Variants in SUPT16H observed in about 807,000 individuals in gnomAD.
The protein encoded by SUPT16H is SPT16 homolog, facilitates chromatin remodeling subunit.
Under a neutral mutation model 136.2 loss-of-function variants are expected in SUPT16H, and 24 were observed. The ratio of observed to expected loss-of-function variants is 0.18; its 90% CI spans 0.13 to 0.25. The LOEUF is 0.25. SUPT16H is among the 10% of genes least tolerant of loss of function. SUPT16H has a pLI of 1.00. For synonymous variants in SUPT16H, 415 were observed against 428.2 expected (o/e 0.97, Z 0.38); for missense variants, 623 against 1,270.2 (o/e 0.49, Z 7.74).
rs141517668 is a variant in SUPT16H at position 21,371,773 on chromosome 14, T to C, written c.330+101A>G. The stretch of plus-strand genomic sequence containing the variant: ...TTGTAATTACAACCACAGCCACCTA[T>C]AATTTCCCCTGCGCATTCTTTCAAA... On this transcript the variant is annotated intron_variant, in intron 3 of 25. Coordinates refer to ENST00000216297, the MANE Select transcript of SUPT16H (RefSeq NM_007192.4). 1.2e-4 allele frequency: 176 copies of C among 1,408,230 alleles called. 1 individual carries two copies. The East Asian group carries it at 3.4e-3, about 27-fold the overall frequency. The allele number at this position is 1,408,230 out of a possible 1,614,324, so 87.2% of individuals were successfully genotyped here.
At chr14:21,355,732 A>G (rs1280965953) in intron 22 of SUPT16H, among the ~76,000 whole-genome samples, 1 of 152,090 alleles carries the variant, frequency 6.6e-6, no homozygotes, top group African/African-American at 2.4e-5. Flanking sequence ...GGAGGGCTGA[A>G]TCAGTTAAGA....
At chr14:21,379,793 A>C (rs963963375) in intron 1 of SUPT16H, among the ~76,000 whole-genome samples, 3 of 152,176 alleles carry the variant, frequency 2.0e-5, no homozygotes, top group African/African-American at 7.2e-5. Flanking sequence ...CTGAGGTGGG[A>C]AGATCACCTG....
At chr14:21,370,314 C>G in intron 4 of SUPT16H, 22 bp downstream of exon 4, 1 of 1,605,458 alleles carries the variant, frequency 6.2e-7, no homozygotes, top group East Asian at 2.2e-5. Flanking sequence ...TCTTGATTTG[C>G]TATTTCCAGT....
intron 1 of SUPT16H, 82 bp from the exon 2 acceptor site, chr14:21,373,512 C>A: frequency 9.8e-7 from 1 of 1,020,716 alleles, no homozygotes; most frequent in South Asian, 1.3e-5. Context: ...CTAGGACAGG[C>A]ATAATTTTCT....
Position 21,373,423 on chromosome 14 carries a change from TCTC to T in SUPT16H, c.71_73del (p.Gly24del), listed in dbSNP as rs757660683. On this transcript the variant is annotated inframe_deletion, in exon 2 of 26. Coordinates refer to ENST00000216297, the MANE Select transcript of SUPT16H (RefSeq NM_007192.4). ...GGCATCAACGTTGGCATACTCATCT[TCTC>T]CTTTCTGAAAAGAGTGGGTAATCAT... 2.6e-5 allele frequency: 42 copies of T among 1,613,504 alleles called. No homozygotes were observed. Among genetic ancestry groups the T allele is most frequent in the Non-Finnish European group, 3.3e-5 (39 of 1,179,602 alleles).
chr14:21,371,142 G>C (rs543126911), intron 3 of SUPT16H, among the ~76,000 whole-genome samples: 1 of 152,198 alleles, frequency 6.6e-6, no homozygotes, highest in East Asian at 1.9e-4. Flanking sequence ...AAAGTATTGG[G>C]ATTACAGCCA....
At chr14:21,355,186 T>C (rs1464324198) in intron 22 of SUPT16H, among the ~76,000 whole-genome samples, 1 of 152,068 alleles carries the variant, frequency 6.6e-6, no homozygotes, top group Non-Finnish European at 1.5e-5. Context: ...TTTTCACTAT[T>C]GTAGTTAAGA....
chr14:21,379,315 A>T (rs1269175943), intron 1 of SUPT16H, among the ~76,000 whole-genome samples: 18 of 152,162 alleles, frequency 1.2e-4, no homozygotes. Flanking sequence ...ACACACCTGT[A>T]ATCTCAACTA....
At chr14:21,382,148 C>T (rs1887040383) in intron 1 of SUPT16H, among the ~76,000 whole-genome samples, 3 of 152,122 alleles carry the variant, frequency 2.0e-5, no homozygotes, top group Admixed American at 6.5e-5. Context: ...GGGTTCTGGA[C>T]ACATTAACAC....
intron 1 of SUPT16H, among the ~76,000 whole-genome samples, chr14:21,382,735 T>C (rs996053983): frequency 6.6e-6 from 1 of 152,140 alleles, no homozygotes; most frequent in Admixed American, 6.5e-5. Flanking sequence ...TTAAAAAAAA[T>C]AAAATGTTCA....
intron 21 of SUPT16H, among the ~76,000 whole-genome samples, chr14:21,357,677 T>C (rs1390751593): frequency 1.3e-5 from 2 of 152,150 alleles, no homozygotes; most frequent in African/African-American, 4.8e-5. Context: ...GTTCTTGCTA[T>C]GTTGCCCAGA....
At chr14:21,354,341 T>C in intron 23 of SUPT16H, 70 bp downstream of exon 23, 1 of 1,584,080 alleles carries the variant, frequency 6.3e-7, no homozygotes, top group East Asian at 2.2e-5. Flanking sequence ...ACTACTCATA[T>C]TCCATTCTAA....
At chr14:21,366,626 T>A in intron 7 of SUPT16H, 97 bp from the exon 8 acceptor site, 1 of 1,148,518 alleles carries the variant, frequency 8.7e-7, no homozygotes, top group Non-Finnish European at 1.2e-6. Context: ...AAGCAGTGTT[T>A]CTCAAAGTGT....
At chr14:21,368,572 A>C in intron 6 of SUPT16H, 131 bp from the exon 7 acceptor site, 1 of 1,049,370 alleles carries the variant, frequency 9.5e-7, no homozygotes, top group Middle Eastern at 2.2e-4. Flanking sequence ...ATAAGGACCT[A>C]AACTTTTTTG....
At chr14:21,354,001 AATT>A (rs140898955) in intron 23 of SUPT16H, among the ~76,000 whole-genome samples, 169 bp from the exon 24 acceptor site, 1,722 of 152,320 alleles carry the variant, frequency 0.011, 20 homozygotes, top group Middle Eastern at 0.058. Flanking sequence ...GGTCAGGTGC[AATT>A]ATTATTTTAC....
intron 6 of SUPT16H, 140 bp from the exon 7 acceptor site, chr14:21,368,581 T>C (rs1886721061): frequency 2.0e-6 from 2 of 995,090 alleles, no homozygotes; most frequent in African/African-American, 1.7e-5. Context: ...TAAACTTTTT[T>C]GTGTTTTGTT....
intron 15 of SUPT16H, among the ~76,000 whole-genome samples, chr14:21,361,893 C>T (rs966014645): frequency 1.3e-5 from 2 of 152,086 alleles, no homozygotes; most frequent in African/African-American, 2.4e-5. Flanking sequence ...TCAGCCTCCA[C>T]AGTAGCTGGA....
In SUPT16H at chr14:21,358,458, A is replaced by G. The variant is rs376267714; in HGVS notation, c.2302-31T>C. On this transcript the variant is annotated intron_variant, in intron 19 of 25. Transcript: ENST00000216297. ...GAAGAAAAAAATATCAAATACAGCC[A>G]TCACATTTGTTAACAGTACCTCCCC... 4.7e-6 allele frequency: 7 copies of G among 1,501,254 alleles called. No homozygotes were observed. In the African/African-American group the frequency reaches 8.3e-5, roughly 18 times the overall value. 93.0% of individuals were successfully genotyped at this position (1,501,254 alleles called of 1,614,324 possible). A position where few individuals can be genotyped will look rare whatever the true frequency, so the allele number is the denominator to read the frequency against.
chr14:21,373,276 C>T (rs943538356), intron 2 of SUPT16H, 62 bp downstream of exon 2: 5 of 1,298,092 alleles, frequency 3.9e-6, no homozygotes, highest in Non-Finnish European at 2.2e-6. Flanking sequence ...GGCTACCATA[C>T]TGAACAGTGC....
Sources: allele counts gnomAD v4.1 joint callset (sites outside exome capture counted in the v4.1 genomes callset), GRCh38; gene constraint gnomAD v4.1.1; transcripts MANE v1.5; gene names NCBI Gene and HGNC (gene_info 2026-07-23, HGNC 2026-07-21).